HELB: variants seen among roughly 807,000 people sequenced by gnomAD.
HELB encodes DNA 5'-3' helicase B.
A neutral mutation model predicts 101.7 loss-of-function variants in HELB; 96 were observed. The observed-to-expected ratio is 0.94, with a 90% CI of 0.80 to 1.12. HELB has a LOEUF of 1.12. Ranked by LOEUF, HELB falls within the 50% of genes most tolerant of loss-of-function variation. The pLI is 0.00. For missense variants in HELB, 1,210 were observed against 1,291.9 expected, an observed-to-expected ratio of 0.94 and a Z score of 0.97; for synonymous variants, 437 against 459.7, an observed-to-expected ratio of 0.95 and a Z score of 0.63.
downstream of HELB, chr12:66,339,877 T>G (rs533541783): frequency 6.6e-6 from 1 of 152,350 alleles, no homozygotes; most frequent in African/African-American, 2.4e-5. Flanking sequence ...TGGTTCTTTG[T>G]TCCGGACTTA....
chr12:66,319,808 G>A (rs1017815367), intron 7 of HELB, among the ~76,000 whole-genome samples: 1 of 151,704 alleles, frequency 6.6e-6, no homozygotes, highest in African/African-American at 2.4e-5. Flanking sequence ...GTGGGTTAGT[G>A]ATCATTTACA....
intron 11 of HELB, among the ~76,000 whole-genome samples, chr12:66,327,567 G>A (rs55890066): frequency 6.6e-6 from 1 of 151,614 alleles, no homozygotes; most frequent in Non-Finnish European, 1.5e-5. Context: ...TATCTTTCTG[G>A]TTATTTCATG....
At chr12:66,322,234 T>C (rs1055779056) in intron 8 of HELB, among the ~76,000 whole-genome samples, 10 of 152,092 alleles carry the variant, frequency 6.6e-5, no homozygotes, top group East Asian at 1.9e-4. Context: ...TAGAAGCTCA[T>C]AGGGACTCTG....
intron 1 of HELB, among the ~76,000 whole-genome samples, chr12:66,303,655 A>G (rs1470310876): frequency 6.6e-6 from 1 of 152,198 alleles, no homozygotes; most frequent in Admixed American, 6.5e-5. Flanking sequence ...AGGAAAGAAA[A>G]GAAAAAGAAA....
rs750249601 is a variant in HELB at position 66,324,033 on chromosome 12, C to T, written c.2348C>T (p.Thr783Ile). The T allele has an allele frequency of 1.1e-5, 18 of 1,613,320 alleles. No individual in the cohort carries two copies. The highest frequency in any genetic ancestry group is 1.4e-5 in the Non-Finnish European group (16 of 1,179,566). ...VFGIGDKICC[T>I]RNAYLSDLLP... ...GGAATTGGTGATAAAATTTGTTGTACCAGGAATGCATACCTCTCAGACTTA... is the reference window on the plus strand; with the variant it reads ...GGAATTGGTGATAAAATTTGTTGTATCAGGAATGCATACCTCTCAGACTTA... Residue 783 changes from threonine to isoleucine, a missense_variant, in exon 10 of 13, where the codon ACC becomes ATC. Around this residue, in one of 2 missense-constraint regions of HELB, gnomAD observed 740 missense variants for 728.8 expected, o/e 1.02. Transcript: ENST00000247815.
intron 12 of HELB, 112 bp downstream of exon 12, chr12:66,331,757 A>T: frequency 9.5e-7 from 1 of 1,057,358 alleles, no homozygotes; most frequent in South Asian, 1.6e-5. Flanking sequence ...TTGGACTTAA[A>T]AACAATTGTT....
chr12:66,314,259 TGATACCAAAGCTACACGAA>T (rs1009037265), intron 5 of HELB, 96 bp downstream of exon 5: 4 of 1,065,906 alleles, frequency 3.8e-6, no homozygotes, highest in Non-Finnish European at 4.2e-6. Flanking sequence ...ACACCAGAAT[TGATACCAAAGCTACACGAA>T]GATACCAAAG....
At chr12:66,340,379 A>G (rs2053908742), downstream of HELB, 1 of 152,174 alleles carries the variant, frequency 6.6e-6, no homozygotes, top group Non-Finnish European at 1.5e-5. Flanking sequence ...GTGATGTTAA[A>G]TAGCTTTCGT....
chr12:66,331,903 C>A (rs1448966361), intron 12 of HELB, among the ~76,000 whole-genome samples: 1 of 152,140 alleles, frequency 6.6e-6, no homozygotes, highest in East Asian at 1.9e-4. Flanking sequence ...AGAACTGACT[C>A]ATTCTCACAG....
chr12:66,327,051 A>AT (rs2053747851), intron 11 of HELB, among the ~76,000 whole-genome samples: 1 of 130,984 alleles, frequency 7.6e-6, no homozygotes, highest in African/African-American at 3.1e-5. Flanking sequence ...AAAAAAAAAA[A>AT]AAAAAAAAAA....
rs549613910 is a variant in HELB, at chr12:66,304,785, C to T, written c.242C>T (p.Pro81Leu). 5.9e-5 allele frequency: 95 copies of T among 1,613,720 alleles called. No homozygotes were observed. The highest frequency in any genetic ancestry group is 4.5e-4 in the South Asian group (41 of 91,026). Residue 81 changes from proline (P) to leucine (L), a missense_variant, in exon 2 of 13, where the codon CCG becomes CTG. Physicochemically the swap from Pro to Leu is moderately conservative, Grantham distance 98. This residue lies in a region of HELB where 470 missense variants were observed against 563.1 expected (regional missense o/e 0.83). Transcript: ENST00000247815. Reference protein sequence around the residue: ...QETCKVFGRFPITGAWWRVKV... With the variant: ...QETCKVFGRFLITGAWWRVKV... Reference sequence around the variant, plus strand: ...ACATGTAAAGTGTTTGGACGTTTTCCGATAACAGGTGCTTGGTGGAGAGTG... The same window carrying T: ...ACATGTAAAGTGTTTGGACGTTTTCTGATAACAGGTGCTTGGTGGAGAGTG...
chr12:66,314,268 A>C, intron 5 of HELB, 105 bp downstream of exon 5: 1 of 966,820 alleles, frequency 1.0e-6, no homozygotes, highest in Non-Finnish European at 1.6e-6. Flanking sequence ...TTGATACCAA[A>C]GCTACACGAA....
chr12:66,307,099 A>C (rs1373003713), intron 3 of HELB, among the ~76,000 whole-genome samples: 1 of 152,234 alleles, frequency 6.6e-6, no homozygotes, highest in Non-Finnish European at 1.5e-5. Context: ...TGTGGTACTT[A>C]ATCTTGGTAG....
intron 12 of HELB, among the ~76,000 whole-genome samples, chr12:66,332,530 T>G (rs1308223132): frequency 6.6e-6 from 1 of 152,220 alleles, no homozygotes; most frequent in Non-Finnish European, 1.5e-5. Flanking sequence ...GTCCACACTG[T>G]GGACACTCCC....
At chr12:66,338,934 G>A (rs1288562565), downstream of HELB, 1 of 152,176 alleles carries the variant, frequency 6.6e-6, no homozygotes, top group Non-Finnish European at 1.5e-5. Flanking sequence ...TGAGTTGGGA[G>A]CACATTGTTT....
chr12:66,332,439 A>G (rs979867366), intron 12 of HELB, among the ~76,000 whole-genome samples: 2 of 152,168 alleles, frequency 1.3e-5, no homozygotes, highest in African/African-American at 4.8e-5. Context: ...CAATTCGTCA[A>G]TTTTAAATTG....
At chr12:66,318,517 C>G in intron 6 of HELB, 121 bp from the exon 7 acceptor site, 6 of 845,006 alleles carry the variant, frequency 7.1e-6, no homozygotes, top group Non-Finnish European at 1.0e-5. Flanking sequence ...ACCTGGATGA[C>G]CTTTTCTCTC....
chr12:66,312,147 T>G (rs187330187), intron 4 of HELB, among the ~76,000 whole-genome samples: 1 of 152,306 alleles, frequency 6.6e-6, no homozygotes, highest in Non-Finnish European at 1.5e-5. Flanking sequence ...TGATGTTATC[T>G]CCACATTTAC....
At chr12:66,311,556 G>T (rs1173406592) in intron 4 of HELB, among the ~76,000 whole-genome samples, 3 of 152,082 alleles carry the variant, frequency 2.0e-5, no homozygotes, top group Admixed American at 6.5e-5. Flanking sequence ...ATGGGGGCTG[G>T]TTACAAACAT....
Sources: gnomAD v4.1 joint callset for allele counts (sites outside exome capture counted in the v4.1 genomes callset) on GRCh38, gnomAD v4.1.1 for gene constraint, gnomAD v4.1.1 regional missense constraint, MANE v1.5 for transcripts, NCBI Gene and HGNC (gene_info 2026-07-23, HGNC 2026-07-21) for gene names.